The following ATP8B4 variants were observed in gnomAD, a reference collection of about 807,000 sequenced individuals.
ATP8B4 encodes probable phospholipid-transporting ATPase IM.
A neutral mutation model predicts 145.6 loss-of-function variants in ATP8B4; 133 were observed. The observed-to-expected ratio is 0.91, with a 90% CI of 0.79 to 1.05. The LOEUF (loss-of-function observed/expected upper bound fraction) is 1.05. Among genes scored for constraint, ATP8B4 ranks in the 50% least tolerant of loss-of-function variants. The pLI, the probability that ATP8B4 is intolerant of heterozygous loss-of-function variation, is 0.00. For missense variants in ATP8B4, 1,458 were observed against 1,425.2 expected (o/e 1.02, Z -0.37); for synonymous variants, 507 against 492.9 (o/e 1.03, Z -0.38).
intron 16 of ATP8B4, 130 bp downstream of exon 16, chr15:49,930,989 C>T (rs2041199607): frequency 1.0e-6 from 1 of 997,752 alleles, no homozygotes. Flanking sequence ...TTGAGCAACA[C>T]AAGAGTTTAT....
chr15:50,165,180 G>C (rs990282719), intron 1 of ATP8B4, among the ~76,000 whole-genome samples: 6 of 151,906 alleles, frequency 3.9e-5, no homozygotes, highest in African/African-American at 1.5e-4. Flanking sequence ...CTCTCAAGTA[G>C]CTGGGATTAC....
At chr15:50,113,436 T>C (rs2057045024) in intron 1 of ATP8B4, 1 of 152,162 alleles carries the variant, frequency 6.6e-6, no homozygotes, top group Non-Finnish European at 1.5e-5. Context: ...CAGCTGCCAA[T>C]AGCCACAGTG....
At chr15:49,881,046 A>C (rs1402718825) in intron 23 of ATP8B4, among the ~76,000 whole-genome samples, 3 of 152,166 alleles carry the variant, frequency 2.0e-5, no homozygotes, top group Non-Finnish European at 4.4e-5. Context: ...CGAGAGGCTG[A>C]GGTTGCAGTA....
intron 7 of ATP8B4, among the ~76,000 whole-genome samples, chr15:50,010,185 T>C (rs981783897): frequency 1.3e-5 from 2 of 152,152 alleles, no homozygotes; most frequent in African/African-American, 2.4e-5. Flanking sequence ...AACTTGAATT[T>C]TTTAATCTCT....
chr15:50,166,844 T>TG (rs1313808641), intron 1 of ATP8B4, among the ~76,000 whole-genome samples: 13 of 152,128 alleles, frequency 8.5e-5, no homozygotes, highest in East Asian at 1.9e-4. Context: ...AATCCATGCA[T>TG]GGGGGGTTGG....
At chr15:49,991,572 A>G (rs571338087) in intron 9 of ATP8B4, among the ~76,000 whole-genome samples, 1 of 152,302 alleles carries the variant, frequency 6.6e-6, no homozygotes, top group East Asian at 1.9e-4. Context: ...TTTATATTAT[A>G]TTTGATCTAT....
chr15:50,008,336 G>A (rs1489776247), intron 7 of ATP8B4, among the ~76,000 whole-genome samples: 1 of 152,180 alleles, frequency 6.6e-6, no homozygotes, highest in Non-Finnish European at 1.5e-5. Context: ...GCAACTGGAT[G>A]AAAGACACTT....
At chr15:49,937,524 G>A (rs555934266) in intron 14 of ATP8B4, among the ~76,000 whole-genome samples, 1 of 152,226 alleles carries the variant, frequency 6.6e-6, no homozygotes, top group East Asian at 1.9e-4. Flanking sequence ...GTTTTCATTT[G>A]TGCATTCAGA....
At chr15:49,961,476 T>C (rs897185398) in intron 14 of ATP8B4, among the ~76,000 whole-genome samples, 2 of 152,182 alleles carry the variant, frequency 1.3e-5, no homozygotes, top group South Asian at 4.1e-4. Flanking sequence ...ACATGTGAAA[T>C]AACATATGTA....
chr15:50,134,521 T>C (rs1057196433), intron 1 of ATP8B4, among the ~76,000 whole-genome samples: 1 of 152,104 alleles, frequency 6.6e-6, no homozygotes, highest in African/African-American at 2.4e-5. Context: ...AAACAGAGTA[T>C]CTGCAAAGAA....
intron 6 of ATP8B4, among the ~76,000 whole-genome samples, chr15:50,035,435 C>G (rs912728573): frequency 6.6e-6 from 1 of 152,114 alleles, no homozygotes; most frequent in Non-Finnish European, 1.5e-5. Flanking sequence ...ACCACAAAGT[C>G]CACACTTGAC....
At chr15:50,039,780 A>C (rs2051130240) in intron 5 of ATP8B4, among the ~76,000 whole-genome samples, 1 of 152,192 alleles carries the variant, frequency 6.6e-6, no homozygotes, top group South Asian at 2.1e-4. Context: ...TGCTTCAACC[A>C]GCCCTTTTCC....
intron 3 of ATP8B4, among the ~76,000 whole-genome samples, chr15:50,071,813 A>G (rs1288925724): frequency 6.6e-6 from 1 of 152,176 alleles, no homozygotes; most frequent in Middle Eastern, 3.2e-3. Flanking sequence ...TTCTTGTCTC[A>G]AGAGCAGACT....
chr15:50,130,021 G>C (rs1426603091), intron 1 of ATP8B4, among the ~76,000 whole-genome samples: 3 of 151,564 alleles, frequency 2.0e-5, no homozygotes, highest in Non-Finnish European at 4.4e-5. Context: ...ATTTTCATTT[G>C]CTATAAAGAG....
chr15:49,954,728 A>G (rs931340215), intron 14 of ATP8B4, among the ~76,000 whole-genome samples: 1 of 152,172 alleles, frequency 6.6e-6, no homozygotes, highest in Non-Finnish European at 1.5e-5. Flanking sequence ...TCTTGGTGCA[A>G]ATGAAATGAG....
At chr15:50,066,541 G>A (rs1376526745) in intron 3 of ATP8B4, among the ~76,000 whole-genome samples, 1 of 152,132 alleles carries the variant, frequency 6.6e-6, no homozygotes, top group Non-Finnish European at 1.5e-5. Flanking sequence ...AGACCCAAAT[G>A]TCCCATCAGT....
chr15:50,146,838 A>G (rs191936320), intron 1 of ATP8B4, among the ~76,000 whole-genome samples: 1 of 152,300 alleles, frequency 6.6e-6, no homozygotes, highest in East Asian at 1.9e-4. Flanking sequence ...CAGGAAGAGG[A>G]GGAGCCTTGA....
At chr15:50,050,854 G>A (rs980909435) in intron 3 of ATP8B4, among the ~76,000 whole-genome samples, 5 of 152,086 alleles carry the variant, frequency 3.3e-5, no homozygotes, top group Non-Finnish European at 7.4e-5. Flanking sequence ...AATTTGGGGT[G>A]ACAGATATTA....
At chr15:49,866,599 T>G in intron 25 of ATP8B4, 115 bp from the exon 26 acceptor site, 1 of 1,311,268 alleles carries the variant, frequency 7.6e-7, no homozygotes, top group South Asian at 1.4e-5. Context: ...CCTGCCTAGT[T>G]GCCAAGCCAA....
Sources: allele counts gnomAD v4.1 joint callset (sites outside exome capture counted in the v4.1 genomes callset), GRCh38; gene constraint gnomAD v4.1.1; transcripts MANE v1.5; gene names NCBI Gene and HGNC (gene_info 2026-07-23, HGNC 2026-07-21).